Variants in PTPRD observed in about 807,000 individuals in gnomAD.
PTPRD encodes receptor-type tyrosine-protein phosphatase delta.
A neutral mutation model predicts 214.5 loss-of-function variants in PTPRD; 34 were observed. The ratio of observed to expected loss-of-function variants is 0.16; its 90% CI spans 0.12 to 0.21. PTPRD has a LOEUF of 0.21. Among genes scored for constraint, PTPRD ranks in the 10% least tolerant of loss-of-function variants. The pLI, the probability that PTPRD is intolerant of heterozygous loss-of-function variation, is 1.00. For synonymous variants in PTPRD, 1,128 were observed against 845.7 expected, an observed-to-expected ratio of 1.33 and a Z score of -5.79; for missense variants, 2,545 against 2,398.7, an observed-to-expected ratio of 1.06 and a Z score of -1.27.
intron 39 of PTPRD, among the ~76,000 whole-genome samples, chr9:8,352,169 T>G (rs1360166214): frequency 6.6e-6 from 1 of 152,060 alleles, no homozygotes; most frequent in Non-Finnish European, 1.5e-5. Flanking sequence ...TATTATCTGC[T>G]GAACACACTC....
At chr9:9,186,058 C>G (rs2099931254) in intron 9 of PTPRD, among the ~76,000 whole-genome samples, 1 of 151,962 alleles carries the variant, frequency 6.6e-6, no homozygotes, top group South Asian at 2.1e-4. Flanking sequence ...GTTTTCTCCA[C>G]TGTGATTAAA....
intron 4 of PTPRD, among the ~76,000 whole-genome samples, chr9:9,944,187 T>G (rs551883655): frequency 6.6e-6 from 1 of 152,154 alleles, no homozygotes; most frequent in South Asian, 2.1e-4. Context: ...TTGCCCATTC[T>G]TGCTTTGTTC....
At chr9:9,737,593 C>CACT (rs1564874112) in intron 6 of PTPRD, among the ~76,000 whole-genome samples, 1 of 152,100 alleles carries the variant, frequency 6.6e-6, no homozygotes, top group Non-Finnish European at 1.5e-5. Context: ...AATGGAATCA[C>CACT]ACAACATGTG....
intron 45 of PTPRD, among the ~76,000 whole-genome samples, chr9:8,318,571 C>G (rs570697430): frequency 4.6e-5 from 7 of 152,152 alleles, no homozygotes; most frequent in Non-Finnish European, 1.0e-4. Flanking sequence ...GTGCGGCACA[C>G]CAGGCACACA....
At chr9:9,935,300 A>C (rs535388506) in intron 5 of PTPRD, among the ~76,000 whole-genome samples, 56 of 152,058 alleles carry the variant, frequency 3.7e-4, no homozygotes, top group Admixed American at 1.0e-3. Flanking sequence ...TGTTTGCAGA[A>C]GACATGATTG....
chr9:8,423,476 A>T (rs1449883446), intron 35 of PTPRD, among the ~76,000 whole-genome samples: 1 of 152,202 alleles, frequency 6.6e-6, no homozygotes, highest in Non-Finnish European at 1.5e-5. Flanking sequence ...TTGCAGAAAC[A>T]TGAAAGGATT....
At chr9:9,498,943 CTCTG>C (rs2096297161) in intron 8 of PTPRD, among the ~76,000 whole-genome samples, 1 of 149,032 alleles carries the variant, frequency 6.7e-6, no homozygotes, top group South Asian at 2.2e-4. Context: ...TTTTTTCTCT[CTCTG>C]TCTCTCTCTC....
intron 7 of PTPRD, among the ~76,000 whole-genome samples, chr9:9,579,745 G>C (rs1005598182): frequency 6.6e-6 from 1 of 152,012 alleles, no homozygotes; most frequent in Non-Finnish European, 1.5e-5. Flanking sequence ...GTATAATTTG[G>C]TTATATGCAT....
chr9:10,507,052 T>A (rs891861563), intron 2 of PTPRD, among the ~76,000 whole-genome samples: 1 of 151,984 alleles, frequency 6.6e-6, no homozygotes, highest in Non-Finnish European at 1.5e-5. Flanking sequence ...TTTTTGCCCA[T>A]TCAGTATCCC....
At chr9:8,598,276 AC>A (rs1318212613) in intron 14 of PTPRD, among the ~76,000 whole-genome samples, 1 of 152,078 alleles carries the variant, frequency 6.6e-6, no homozygotes, top group East Asian at 1.9e-4. Flanking sequence ...ACATGGTGAA[AC>A]CCTGTCTCTA....
chr9:8,907,831 A>T (rs1194478557), intron 11 of PTPRD, among the ~76,000 whole-genome samples: 2 of 152,074 alleles, frequency 1.3e-5, no homozygotes, highest in Non-Finnish European at 2.9e-5. Context: ...CAAGTGTATT[A>T]ATATACATGT....
intron 3 of PTPRD, among the ~76,000 whole-genome samples, chr9:10,192,248 G>A (rs1377397591): frequency 6.6e-6 from 1 of 151,974 alleles, no homozygotes; most frequent in Non-Finnish European, 1.5e-5. Context: ...GAGTGTCACT[G>A]AATAAACGGA....
In PTPRD at chr9:8,471,391, G is replaced by C. The variant is rs374374296; in HGVS notation, c.3414-306C>G. 1.6e-3 allele frequency among the ~76,000 whole-genome samples: 241 copies of C among 152,182 alleles called. 1 individual carries two copies. The highest frequency in any genetic ancestry group is 5.5e-3 in the African/African-American group (229 of 41,526). ...GGCCCTGGTGCTGGACACATACAAG[G>C]CTAGAATACTGCAATCTACCACCAC... is the stretch of plus-strand genomic sequence containing the variant. On this transcript the variant is annotated intron_variant, in intron 30 of 45. Transcript: ENST00000381196.
intron 7 of PTPRD, among the ~76,000 whole-genome samples, chr9:9,615,634 T>G (rs551495121): frequency 1.3e-5 from 2 of 152,340 alleles, no homozygotes; most frequent in South Asian, 2.1e-4. Flanking sequence ...GGATCCAGAC[T>G]GCTAGATTGG....
Position 8,335,127 on chromosome 9 carries a change from A to G in PTPRD, c.5380-3391T>C, listed in dbSNP as rs1326383109. ...TATTCCAAACAATACAAAAAGAGGG[A>G]CTCCTTCCTAACTCATTTTATGAGG... On this transcript the variant is annotated intron_variant, in intron 43 of 45. Transcript: ENST00000381196. Among the ~76,000 whole-genome samples the G allele has an allele frequency of 5.4e-5, 8 of 146,962 alleles. No homozygotes were observed. The East Asian group carries it at 1.5e-3, about 28-fold the overall frequency.
intron 9 of PTPRD, among the ~76,000 whole-genome samples, chr9:9,369,647 G>A (rs2058889090): frequency 6.6e-6 from 1 of 152,016 alleles, no homozygotes; most frequent in African/African-American, 2.4e-5. Context: ...GGCTTTTGTT[G>A]CCATTGCTTT....
chr9:8,340,417 C>T lies in PTPRD; in HGVS notation c.5179G>A (p.Asp1727Asn), dbSNP rs2132358826. ...TGTTCCCAGAGCATCCGCCAGAAGT[C>T]TTCAGTGGTCTCTGCCAAGGGCCCC... Reference protein sequence around the residue: ...TQGPLAETTEDFWRMLWEHNS... With the variant: ...TQGPLAETTENFWRMLWEHNS... The change falls in exon 42 of 46, where the codon GAC (aspartate) becomes AAC (asparagine). Residue 1727 changes from aspartate (D) to asparagine (N), a missense_variant. Transcript: ENST00000381196. 1 of 1,609,518 alleles carries T rather than the reference C, an allele frequency of 6.2e-7. No individual in the cohort carries two copies. The highest frequency in any genetic ancestry group is 8.5e-7 in the Non-Finnish European group (1 of 1,176,766).
chr9:8,783,929 T>C (rs1051947304), intron 11 of PTPRD, among the ~76,000 whole-genome samples: 2 of 152,146 alleles, frequency 1.3e-5, no homozygotes, highest in African/African-American at 4.8e-5. Context: ...CAGCTTAAAG[T>C]TTTTATTTTA....
chr9:10,372,041 G>T (rs1026385741), intron 2 of PTPRD, among the ~76,000 whole-genome samples: 1 of 152,104 alleles, frequency 6.6e-6, no homozygotes, highest in Admixed American at 6.6e-5. Context: ...AGACAAAGGA[G>T]TTTGGAATCC....
Sources: allele counts gnomAD v4.1 joint callset (sites outside exome capture counted in the v4.1 genomes callset), GRCh38; gene constraint gnomAD v4.1.1; transcripts MANE v1.5; gene names NCBI Gene and HGNC (gene_info 2026-07-23, HGNC 2026-07-21).